Variants in RALYL observed in about 807,000 individuals in gnomAD.
RALYL encodes RNA-binding Raly-like protein.
Under a neutral mutation model 35.1 loss-of-function variants are expected in RALYL, and 29 were observed. That is an observed-to-expected ratio of 0.83 (90% CI 0.61 to 1.13). RALYL has a LOEUF of 1.13. Among genes scored for constraint, RALYL ranks in the 50% most tolerant of loss-of-function variants. The pLI is 0.00. For synonymous variants in RALYL, 120 were observed against 127.6 expected, an observed-to-expected ratio of 0.94 and a Z score of 0.40; for missense variants, 359 against 360.4, an observed-to-expected ratio of 1.00 and a Z score of 0.03.
At chr8:84,565,660 A>G (rs1461206545) in intron 2 of RALYL, among the ~76,000 whole-genome samples, 1 of 151,636 alleles carries the variant, frequency 6.6e-6, no homozygotes, top group African/African-American at 2.4e-5. Flanking sequence ...GTAATAATAA[A>G]TGTCAATAAA....
intron 4 of RALYL, among the ~76,000 whole-genome samples, chr8:84,839,596 T>C (rs1243266788): frequency 6.6e-6 from 1 of 152,254 alleles, no homozygotes; most frequent in Non-Finnish European, 1.5e-5. Flanking sequence ...TAAATGTCCC[T>C]GTCTGACAGC....
chr8:84,325,458 T>A (rs562469461), intron 1 of RALYL, among the ~76,000 whole-genome samples: 5 of 152,348 alleles, frequency 3.3e-5, no homozygotes, highest in Non-Finnish European at 7.3e-5. Context: ...CATTTCTTCA[T>A]TTTAGCCACC....
At position 84,740,217 on chromosome 8, in the gene RALYL, G is replaced by A. The variant is rs889047636; in HGVS notation, c.257-34362G>A. 5.3e-5 allele frequency among the ~76,000 whole-genome samples: 8 copies of A among 152,026 alleles called. No homozygotes were observed. In the South Asian group the frequency reaches 1.2e-3, roughly 24 times the overall value. On this transcript the variant is annotated intron_variant, in intron 2 of 8. Coordinates refer to ENST00000521268, the MANE Select transcript of RALYL (RefSeq NM_173848.7). ...TAACGTCCAAGAGCTCAAAAACAGT[G>A]TGAAAGACTAAAATATCTAGATTCA...
chr8:84,919,258 T>C (rs569504412), intron 8 of RALYL, among the ~76,000 whole-genome samples: 44 of 151,990 alleles, frequency 2.9e-4, no homozygotes, highest in African/African-American at 1.0e-3. Context: ...CTTATTTCCT[T>C]TTTTGCACAC....
intron 2 of RALYL, among the ~76,000 whole-genome samples, chr8:84,728,394 G>A (rs549768054): frequency 1.6e-4 from 24 of 151,970 alleles, no homozygotes; most frequent in Admixed American, 1.4e-3. Context: ...AGATGAGAAG[G>A]TTGCGAAAAT....
chr8:84,768,817 A>G (rs559354580), intron 2 of RALYL, among the ~76,000 whole-genome samples: 28 of 152,374 alleles, frequency 1.8e-4, no homozygotes, highest in African/African-American at 6.0e-4. Flanking sequence ...TTCATTGTAT[A>G]TAAGTGGCAA....
chr8:84,548,784 T>C (rs898944549), intron 2 of RALYL, among the ~76,000 whole-genome samples: 1 of 152,208 alleles, frequency 6.6e-6, no homozygotes, highest in Admixed American at 6.5e-5. Context: ...CCATTTTTTC[T>C]CTTTTTCTTT....
intron 1 of RALYL, among the ~76,000 whole-genome samples, chr8:84,332,980 T>C (rs998144347): frequency 6.6e-6 from 1 of 152,166 alleles, no homozygotes; most frequent in African/African-American, 2.4e-5. Context: ...GGCCTTACTC[T>C]AGTACATTCC....
chr8:84,224,788 C>T (rs1011832124), intron 1 of RALYL, among the ~76,000 whole-genome samples: 7 of 151,968 alleles, frequency 4.6e-5, no homozygotes, highest in Non-Finnish European at 1.0e-4. Context: ...TCCTGAGTAG[C>T]TGGGACTACA....
intron 2 of RALYL, among the ~76,000 whole-genome samples, chr8:84,682,934 AG>A (rs1250748745): frequency 6.6e-6 from 1 of 151,838 alleles, no homozygotes; most frequent in African/African-American, 2.4e-5. Flanking sequence ...TTGTGATGTT[AG>A]GGTGTCAATT....
chr8:84,459,401 G>A (rs924931692), intron 1 of RALYL, among the ~76,000 whole-genome samples: 1 of 151,812 alleles, frequency 6.6e-6, no homozygotes, highest in Admixed American at 6.6e-5. Context: ...TGGTCAATCA[G>A]GGAATTGTGT....
intron 1 of RALYL, among the ~76,000 whole-genome samples, chr8:84,457,536 G>GT (rs1367390122): frequency 2.0e-5 from 3 of 151,932 alleles, no homozygotes; most frequent in Non-Finnish European, 2.9e-5. Context: ...CCTTTAGAAA[G>GT]TTTTTTTCAC....
At chr8:84,732,674 A>ATT in intron 2 of RALYL, among the ~76,000 whole-genome samples, 1 of 139,024 alleles carries the variant, frequency 7.2e-6, no homozygotes, top group African/African-American at 2.8e-5. Flanking sequence ...ATAATTATAT[A>ATT]TATATATATA....
In RALYL at chr8:84,267,465, C is replaced by A. The variant is rs75551173; in HGVS notation, c.-24+83041C>A. On this transcript the variant is annotated intron_variant, in intron 1 of 8. Coordinates refer to ENST00000521268, the MANE Select transcript of RALYL (RefSeq NM_173848.7). The stretch of plus-strand genomic sequence containing the variant: ...CATTTCCTTAAGCAAATTATAAGTT[C>A]TTTGATGGTAGGACCTTATCCTTAT... 1.9e-3 allele frequency among the ~76,000 whole-genome samples: 289 copies of A among 152,184 alleles called. 2 individuals are homozygous for A. The highest frequency in any genetic ancestry group is 3.4e-3 in the Non-Finnish European group (231 of 68,000).
At chr8:84,592,513 C>T (rs1221315934) in intron 2 of RALYL, among the ~76,000 whole-genome samples, 1 of 151,956 alleles carries the variant, frequency 6.6e-6, no homozygotes, top group African/African-American at 2.4e-5. Context: ...AAGTTTCTGC[C>T]ATAATTACTA....
At chr8:84,429,064 C>T (rs535698519) in intron 1 of RALYL, among the ~76,000 whole-genome samples, 24 of 152,036 alleles carry the variant, frequency 1.6e-4, no homozygotes, top group Middle Eastern at 3.4e-3. Flanking sequence ...GAAAGCCAAG[C>T]AAAGGGAAAC....
At chr8:84,446,243 T>C (rs778683577) in intron 1 of RALYL, among the ~76,000 whole-genome samples, 2 of 152,014 alleles carry the variant, frequency 1.3e-5, no homozygotes, top group Non-Finnish European at 2.9e-5. Flanking sequence ...GTAGCATACA[T>C]ATTGAACTAC....
chr8:84,357,184 ACTT>A (rs1563783428), intron 1 of RALYL, among the ~76,000 whole-genome samples: 1 of 152,118 alleles, frequency 6.6e-6, no homozygotes, highest in African/African-American at 2.4e-5. Flanking sequence ...GTAGGATGAC[ACTT>A]CTTAGACCTC....
intron 1 of RALYL, among the ~76,000 whole-genome samples, chr8:84,503,712 G>T (rs2056912527): frequency 6.6e-6 from 1 of 152,034 alleles, no homozygotes; most frequent in African/African-American, 2.4e-5. Context: ...AGCCAGGCGT[G>T]GTGGCAGGTG....
Sources: gnomAD v4.1 joint callset for allele counts (sites outside exome capture counted in the v4.1 genomes callset) on GRCh38, gnomAD v4.1.1 for gene constraint, MANE v1.5 for transcripts, NCBI Gene and HGNC (gene_info 2026-07-23, HGNC 2026-07-21) for gene names.